Variants in CCDC134 observed in about 807,000 individuals in gnomAD.
The protein encoded by CCDC134 is coiled-coil domain containing 134.
Under a neutral mutation model 25.6 loss-of-function variants are expected in CCDC134, and 27 were observed. That is an observed-to-expected ratio of 1.05 (90% CI 0.78 to 1.45). The LOEUF is 1.45. Among genes scored for constraint, CCDC134 ranks in the 40% most tolerant of loss-of-function variants. CCDC134 has a pLI of 0.00. For synonymous variants in CCDC134, 110 were observed against 115.0 expected (o/e 0.96, Z 0.28); for missense variants, 261 against 286.7 (o/e 0.91, Z 0.65).
At chr22:41,815,965 T>G (rs761637858) in intron 6 of CCDC134, among the ~76,000 whole-genome samples, 7 of 152,144 alleles carry the variant, frequency 4.6e-5, no homozygotes, top group Non-Finnish European at 2.9e-5. Context: ...CCTGCAATAT[T>G]GAACAGGGTC....
At chr22:41,814,690 C>G (rs185625611) in intron 6 of CCDC134, among the ~76,000 whole-genome samples, 50 of 152,098 alleles carry the variant, frequency 3.3e-4, no homozygotes, top group Non-Finnish European at 4.6e-4. Flanking sequence ...ACCCTGGTGT[C>G]GGGAGGGGTG....
At chr22:41,800,849 G>C (rs974262630) in intron 1 of CCDC134, 83 bp downstream of exon 1, 3 of 152,372 alleles carry the variant, frequency 2.0e-5, no homozygotes, top group African/African-American at 7.2e-5. Context: ...GCTGCAGGTG[G>C]TGGGGAGGGA....
Position 41,808,903 on chromosome 22 carries a change from C to G in CCDC134, c.13C>G (p.Gln5Glu). 1.2e-6 allele frequency: 2 copies of G among 1,614,190 alleles called. No individual in the cohort carries two copies. MDLL[Q>E]FLAFLFVLLL... is the part of the protein sequence containing the mutation. ...AAGAGGTTTGGATATGGACCTTCTT[C>G]AATTCCTGGCCTTCCTCTTTGTCCT... is the stretch of plus-strand genomic sequence containing the variant. The change falls in exon 2 of 7, where the codon CAA becomes GAA. Residue 5 changes from glutamine to glutamate, a missense_variant. By Grantham distance (29) the Gln-to-Glu change is conservative (BLOSUM62 2). Transcript: ENST00000255784.
At chr22:41,810,365 T>C in intron 4 of CCDC134, 74 bp downstream of exon 4, 1 of 1,396,982 alleles carries the variant, frequency 7.2e-7, no homozygotes, top group Non-Finnish European at 9.9e-7. Context: ...CTCCTGTTCT[T>C]GTCACTCTTT....
intron 4 of CCDC134, among the ~76,000 whole-genome samples, chr22:41,810,557 G>A (rs2076590752): frequency 7.3e-6 from 1 of 136,628 alleles, no homozygotes. Flanking sequence ...GTACAGTGGT[G>A]TGATCTCGGC....
Position 41,805,412 on chromosome 22 carries a change from C to A in CCDC134, c.-16-3463C>A, listed in dbSNP as rs545849576. ...ATACCACTGTACTCCAGAGGGAGACCCTGTCTAAAAAATAAAAAATAAAAT... is the reference window on the plus strand; with the variant it reads ...ATACCACTGTACTCCAGAGGGAGACACTGTCTAAAAAATAAAAAATAAAAT... On this transcript the variant is annotated intron_variant, in intron 1 of 6. Transcript: ENST00000255784. 2.6e-5 allele frequency among the ~76,000 whole-genome samples: 4 copies of A among 151,248 alleles called. 1 individual carries two copies. The South Asian group carries it at 8.4e-4, about 32-fold the overall frequency.
At chr22:41,802,818 G>T (rs2076550201) in intron 1 of CCDC134, among the ~76,000 whole-genome samples, 1 of 151,970 alleles carries the variant, frequency 6.6e-6, no homozygotes, top group Non-Finnish European at 1.5e-5. Context: ...GGAGGCTGAG[G>T]CAGGAGAATG....
At chr22:41,807,690 G>A (rs1019230090) in intron 1 of CCDC134, among the ~76,000 whole-genome samples, 6 of 152,186 alleles carry the variant, frequency 3.9e-5, no homozygotes, top group African/African-American at 1.2e-4. Context: ...TGTATGTCCT[G>A]GGAATCACCA....
chr22:41,819,993 AT>A (rs1161615570), intron 6 of CCDC134, among the ~76,000 whole-genome samples: 84 of 133,050 alleles, frequency 6.3e-4, no homozygotes, highest in African/African-American at 2.3e-3. Flanking sequence ...ATATATATAT[AT>A]ATATAATTTT....
At chr22:41,812,468 A>AAGT (rs1174402737) in intron 4 of CCDC134, among the ~76,000 whole-genome samples, 1 of 150,942 alleles carries the variant, frequency 6.6e-6, no homozygotes, top group African/African-American at 2.4e-5. Context: ...AGAGGAAGCC[A>AAGT]AGTGAATGAA....
intron 6 of CCDC134, among the ~76,000 whole-genome samples, chr22:41,823,549 A>C (rs781147918): frequency 2.0e-5 from 3 of 152,154 alleles, no homozygotes; most frequent in Non-Finnish European, 2.9e-5. Context: ...TAAAAACCAA[A>C]ACACTCTTAA....
rs1223901448 is a variant in CCDC134 at position 41,808,998 on chromosome 22, C to T, written c.103+5C>T. On this transcript the variant is annotated splice_donor_5th_base_variant and intron_variant, in intron 2 of 6. Transcript: ENST00000255784. ...TGGACCCAAGCCTGGAGATCTGTATCCTTTGGGGTTGTAGTTAATGAGCTG... is the reference window on the plus strand; with the variant it reads ...TGGACCCAAGCCTGGAGATCTGTATTCTTTGGGGTTGTAGTTAATGAGCTG... 1 of 1,608,538 alleles carries T rather than the reference C, an allele frequency of 6.2e-7. No individual in the cohort carries two copies. The highest frequency in any genetic ancestry group is 8.5e-7 in the Non-Finnish European group (1 of 1,175,650).
intron 6 of CCDC134, among the ~76,000 whole-genome samples, chr22:41,814,971 C>A (rs983141434): frequency 6.6e-6 from 1 of 152,078 alleles, no homozygotes; most frequent in Non-Finnish European, 1.5e-5. Flanking sequence ...TTATAGTGAA[C>A]CGCAGCAAAT....
Position 41,826,771 on chromosome 22 carries a change from G to T in CCDC134, c.*948G>T, listed in dbSNP as rs1167042158. On this transcript the variant is annotated 3_prime_UTR_variant, in exon 7 of 7. Transcript: ENST00000255784. The stretch of plus-strand genomic sequence containing the variant: ...AGGGCAGGGAAGCTGCAGAGGGCAT[G>T]TGGCCCTGGGTAGGGCAGCTGCCCT... 6.6e-6 allele frequency among the ~76,000 whole-genome samples: 1 copy of T among 152,224 alleles called. No homozygotes were observed. Among genetic ancestry groups the T allele is most frequent in the Non-Finnish European group, 1.5e-5 (1 of 68,030 alleles).
intron 6 of CCDC134, among the ~76,000 whole-genome samples, chr22:41,821,529 G>C (rs921002553): frequency 7.3e-6 from 1 of 137,782 alleles, no homozygotes; most frequent in Non-Finnish European, 1.5e-5. Context: ...TGTTCTCATT[G>C]TTCAATTCCC....
At chr22:41,813,088 G>T (rs912447735) in intron 4 of CCDC134, among the ~76,000 whole-genome samples, 176 bp from the exon 5 acceptor site, 1 of 152,094 alleles carries the variant, frequency 6.6e-6, no homozygotes, top group Non-Finnish European at 1.5e-5. Flanking sequence ...TGAGCTGGTG[G>T]ATGTAAGGCC....
intron 6 of CCDC134, among the ~76,000 whole-genome samples, chr22:41,815,661 A>T (rs954511358): frequency 1.1e-4 from 17 of 151,464 alleles, no homozygotes; most frequent in African/African-American, 2.7e-4. Context: ...CATTATTATT[A>T]TTTTTTTTAT....
chr22:41,806,403 G>A (rs1411616610), intron 1 of CCDC134, among the ~76,000 whole-genome samples: 1 of 151,624 alleles, frequency 6.6e-6, no homozygotes, highest in Non-Finnish European at 1.5e-5. Context: ...TGTATTTTTA[G>A]TAGAGACGGG....
chr22:41,813,730 C>T (rs762197439), intron 5 of CCDC134, 21 bp from the exon 6 acceptor site: 1 of 1,602,242 alleles, frequency 6.2e-7, no homozygotes, highest in Non-Finnish European at 8.6e-7. Context: ...CAGATGATGA[C>T]TAGTGTTTCT....
Sources: allele counts gnomAD v4.1 joint callset (sites outside exome capture counted in the v4.1 genomes callset), GRCh38; gene constraint gnomAD v4.1.1; transcripts MANE v1.5; gene names NCBI Gene and HGNC (gene_info 2026-07-23, HGNC 2026-07-21).